The following TTC3 variants were observed in gnomAD, a reference collection of about 807,000 sequenced individuals.
TTC3 encodes tetratricopeptide repeat domain 3.
In TTC3, 180 loss-of-function variants were observed where a neutral mutation model predicts 249.6. The observed-to-expected ratio is 0.72, with a 90% CI of 0.64 to 0.82. The LOEUF (loss-of-function observed/expected upper bound fraction) is 0.82, where lower values mean the gene tolerates loss of function less well. Among genes scored for constraint, TTC3 ranks in the 40% least tolerant of loss-of-function variants. The probability of loss-of-function intolerance (pLI) is 0.00; values close to 1 mark genes in which losing one functional copy is unlikely to be tolerated. For missense variants in TTC3, 2,061 were observed against 2,398.4 expected, an observed-to-expected ratio of 0.86 and a Z score of 2.94; for synonymous variants, 717 against 805.0, an observed-to-expected ratio of 0.89 and a Z score of 1.85.
intron 10 of TTC3, among the ~76,000 whole-genome samples, chr21:37,105,875 T>C (rs2075031040): frequency 6.6e-6 from 1 of 152,238 alleles, no homozygotes; most frequent in African/African-American, 2.4e-5. Context: ...TTGATGGGCA[T>C]TTGGGTAGCT....
At chr21:37,135,126 A>G (rs2077814577) in intron 17 of TTC3, among the ~76,000 whole-genome samples, 1 of 152,220 alleles carries the variant, frequency 6.6e-6, no homozygotes, top group African/African-American at 2.4e-5. Context: ...GCTTAGTACC[A>G]TGTAGTGTAA....
Position 37,200,278 on chromosome 21 carries a change from C to A in TTC3, c.5897C>A (p.Ser1966Ter), listed in dbSNP as rs138999721. ...GAAATATGCCACGAGGTGTTCAAAT[C>A]AAAAAACGTGCGTGTGCTCAAATGT... The change falls in exon 45 of 46, where the codon TCA becomes TAA. Residue 1966 changes from serine (S) to a stop codon, truncating the protein, a stop_gained. Transcript: ENST00000355666. LOFTEE classifies it low-confidence loss of function (END_TRUNC). 8.1e-5 allele frequency: 131 copies of A among 1,614,130 alleles called. No individual in the cohort carries two copies. Among genetic ancestry groups the A allele is most frequent in the Middle Eastern group, 3.3e-4 (2 of 6,062 alleles).
chr21:37,200,519 G>A (rs1210911396), intron 45 of TTC3, among the ~76,000 whole-genome samples, 195 bp downstream of exon 45: 7 of 152,186 alleles, frequency 4.6e-5, no homozygotes, highest in Non-Finnish European at 7.3e-5. Flanking sequence ...TCTGGAGACC[G>A]TCCTTTCCAT....
exon 15 of TTC3, chr21:37,126,125 G>A: frequency 6.2e-7 from 1 of 1,610,642 alleles, no homozygotes; most frequent in African/African-American, 1.3e-5. Context: ...CTGTCATCCT[G>A]AATTTTCACC....
intron 39 of TTC3, 127 bp downstream of exon 39, chr21:37,188,722 A>G (rs947760093): frequency 1.2e-5 from 7 of 571,564 alleles, no homozygotes; most frequent in African/African-American, 5.6e-5. Flanking sequence ...TACATGTTCA[A>G]TTGTAGAAAA....
intron 11 of TTC3, among the ~76,000 whole-genome samples, chr21:37,117,887 GA>G (rs2076286956): frequency 6.7e-6 from 1 of 149,556 alleles, no homozygotes; most frequent in Non-Finnish European, 1.5e-5. Context: ...ATTATTTTGA[GA>G]ACTTTGTGGA....
intron 27 of TTC3, among the ~76,000 whole-genome samples, chr21:37,153,860 C>CA (rs148268956): frequency 0.011 from 1,621 of 152,284 alleles, 25 homozygotes; most frequent in African/African-American, 0.037. Flanking sequence ...TGCTCAGGGT[C>CA]ACCTAAGGCA....
At chr21:37,103,902 T>C (rs2074783404) in intron 10 of TTC3, among the ~76,000 whole-genome samples, 1 of 151,854 alleles carries the variant, frequency 6.6e-6, no homozygotes. Context: ...TTAAGAGCAA[T>C]AAGAAAGTAA....
At chr21:37,189,241 T>A (rs1373375055) in intron 39 of TTC3, among the ~76,000 whole-genome samples, 1 of 152,126 alleles carries the variant, frequency 6.6e-6, no homozygotes, top group Non-Finnish European at 1.5e-5. Context: ...ACATAATCTC[T>A]ACCTGTTTTT....
chr21:37,079,412 A>G (rs1380769667), intron 1 of TTC3, among the ~76,000 whole-genome samples: 1 of 150,428 alleles, frequency 6.6e-6, no homozygotes, highest in Non-Finnish European at 1.5e-5. Flanking sequence ...GAGGTTTAGT[A>G]GTAATTAGCA....
chr21:37,108,298 T>C (rs2075282865), intron 10 of TTC3, 94 bp from the exon 11 acceptor site: 1 of 966,982 alleles, frequency 1.0e-6, no homozygotes, highest in African/African-American at 1.7e-5. Flanking sequence ...GACTAGATAA[T>C]ATACATGGAA....
chr21:37,144,405 G>T, intron 20 of TTC3, 120 bp from the exon 21 acceptor site: 1 of 1,181,746 alleles, frequency 8.5e-7, no homozygotes, highest in Non-Finnish European at 1.2e-6. Context: ...ATTGAATATT[G>T]CTGTTCAGTG....
At chr21:37,079,219 AT>A (rs2071283328) in intron 1 of TTC3, among the ~76,000 whole-genome samples, 1 of 151,760 alleles carries the variant, frequency 6.6e-6, no homozygotes, top group Non-Finnish European at 1.5e-5. Context: ...ATCACTTCTC[AT>A]TTTTCTTTAT....
chr21:37,126,248 CCTTTA>C, intron 15 of TTC3, 105 bp downstream of exon 15: 1 of 858,550 alleles, frequency 1.2e-6, no homozygotes, highest in Non-Finnish European at 1.8e-6. Context: ...CTCTTGTTCT[CCTTTA>C]CTTTATAATG....
In TTC3 at chr21:37,176,188, A is replaced by G. The variant is rs1483630503; in HGVS notation, c.4617+3444A>G. 2.6e-5 allele frequency among the ~76,000 whole-genome samples: 4 copies of G among 152,202 alleles called. No homozygotes were observed. In the East Asian group the frequency reaches 7.7e-4, roughly 29 times the overall value. ...TGGTTGCAATATTGCTGAAGGACAT[A>G]GGTTCATTTTTGTTTGAGAATAAAA... On this transcript the variant is annotated intron_variant, in intron 35 of 45. Coordinates refer to ENST00000355666, the Ensembl canonical transcript of TTC3.
At position 37,192,228 on chromosome 21, in the gene TTC3, T is replaced by C; in HGVS notation, c.5217+15T>C. 6.8e-7 allele frequency: 1 copy of C among 1,469,338 alleles called. No individual in the cohort carries two copies. The highest frequency in any genetic ancestry group is 9.2e-7 in the Non-Finnish European group (1 of 1,083,780). The allele number at this position is 1,469,338 out of a possible 1,614,324, so 91.0% of individuals were successfully genotyped here. On this transcript the variant is annotated intron_variant, in intron 41 of 45. Coordinates refer to ENST00000355666, the Ensembl canonical transcript of TTC3. ...CCTGTAACACGGTAAGTCTAGCACA[T>C]CTTTTTTTTTTTTTTAAACCATAAT...
At chr21:37,152,142 C>A in intron 26 of TTC3, 113 bp downstream of exon 26, 1 of 1,218,342 alleles carries the variant, frequency 8.2e-7, no homozygotes, top group Non-Finnish European at 1.1e-6. Flanking sequence ...AAAGATTTCA[C>A]TTAGTAATTT....
chr21:37,191,232 TTA>T, intron 39 of TTC3, 100 bp from the exon 40 acceptor site: 1 of 761,012 alleles, frequency 1.3e-6, no homozygotes, highest in Non-Finnish European at 2.0e-6. Context: ...GTGTATGTGA[TTA>T]TGTTAAATGT....
chr21:37,163,120 T>C (rs2080923390), intron 31 of TTC3, among the ~76,000 whole-genome samples: 1 of 152,196 alleles, frequency 6.6e-6, no homozygotes, highest in Admixed American at 6.5e-5. Context: ...AGACATTGTT[T>C]TGGGGGTTTA....
Sources: allele counts gnomAD v4.1 joint callset (sites outside exome capture counted in the v4.1 genomes callset), GRCh38; gene constraint gnomAD v4.1.1; transcripts MANE v1.5; gene names NCBI Gene and HGNC (gene_info 2026-07-23, HGNC 2026-07-21).